DOCK2: variants seen among roughly 807,000 people sequenced by gnomAD.
DOCK2 encodes the protein dedicator of cytokinesis 2.
DOCK2 carries 87 observed loss-of-function variants against 248.9 expected under a neutral mutation model. That is an observed-to-expected ratio of 0.35 (90% CI 0.29 to 0.42). DOCK2 has a LOEUF of 0.42. DOCK2 is among the 10% of genes least tolerant of loss of function. The pLI is 1.00. For synonymous variants in DOCK2, 805 were observed against 821.6 expected, an observed-to-expected ratio of 0.98 and a Z score of 0.35; for missense variants, 1,747 against 2,300.2, an observed-to-expected ratio of 0.76 and a Z score of 4.92.
At chr5:169,882,000 T>C (rs903903225) in intron 27 of DOCK2, among the ~76,000 whole-genome samples, 2 of 152,328 alleles carry the variant, frequency 1.3e-5, no homozygotes. Context: ...TTTTTTCTCT[T>C]TGCCGAAAAT....
intron 25 of DOCK2, among the ~76,000 whole-genome samples, chr5:169,791,879 C>G (rs1322462059): frequency 2.0e-5 from 3 of 152,176 alleles, no homozygotes; most frequent in Non-Finnish European, 4.4e-5. Context: ...ATATTCCACT[C>G]TCTCACTCCC....
intron 27 of DOCK2, among the ~76,000 whole-genome samples, chr5:169,917,456 A>G (rs1444246056): frequency 2.0e-5 from 3 of 152,184 alleles, no homozygotes; most frequent in African/African-American, 7.2e-5. Flanking sequence ...GTGCTTTTTA[A>G]TTACTGTGAC....
At chr5:169,797,676 A>T (rs2113101929) in intron 25 of DOCK2, among the ~76,000 whole-genome samples, 1 of 152,332 alleles carries the variant, frequency 6.6e-6, no homozygotes, top group South Asian at 2.1e-4. Flanking sequence ...TAAGTCTCCC[A>T]GCCTTTGTCA....
At chr5:169,759,879 G>A (rs1004562916) in intron 24 of DOCK2, 104 bp downstream of exon 24, 2 of 1,260,072 alleles carry the variant, frequency 1.6e-6, no homozygotes, top group African/African-American at 3.0e-5. Context: ...TCAGCTTGGG[G>A]ATGGGGAAGA....
chr5:170,006,636 G>C (rs1278497465), intron 30 of DOCK2, among the ~76,000 whole-genome samples: 1 of 152,186 alleles, frequency 6.6e-6, no homozygotes, highest in Non-Finnish European at 1.5e-5. Context: ...CCCTAGAGCA[G>C]TTTGTTTTTT....
At chr5:169,853,254 C>T (rs1203560413) in intron 27 of DOCK2, among the ~76,000 whole-genome samples, 4 of 152,198 alleles carry the variant, frequency 2.6e-5, no homozygotes, top group Non-Finnish European at 1.5e-5. Context: ...ATTGTCCAGT[C>T]TCAGGTATGT....
At chr5:169,926,731 ACT>A (rs1775480943) in intron 27 of DOCK2, among the ~76,000 whole-genome samples, 1 of 152,196 alleles carries the variant, frequency 6.6e-6, no homozygotes, top group Non-Finnish European at 1.5e-5. Context: ...AAGGCTTGTG[ACT>A]CTGTAACTAG....
intron 29 of DOCK2, among the ~76,000 whole-genome samples, chr5:169,994,835 A>C (rs141703433): frequency 6.6e-6 from 1 of 152,242 alleles, no homozygotes; most frequent in East Asian, 1.9e-4. Context: ...TCAATGATTG[A>C]TATGATGGAG....
At chr5:169,893,593 CT>C (rs1452334336) in intron 27 of DOCK2, among the ~76,000 whole-genome samples, 4 of 151,420 alleles carry the variant, frequency 2.6e-5, no homozygotes, top group Non-Finnish European at 5.9e-5. Flanking sequence ...AATCTAGAAT[CT>C]TTTTGATTTG....
intron 15 of DOCK2, among the ~76,000 whole-genome samples, chr5:169,711,114 C>T (rs1340832271): frequency 1.3e-5 from 2 of 152,190 alleles, no homozygotes; most frequent in Non-Finnish European, 2.9e-5. Flanking sequence ...CAGGCTCAAG[C>T]CTCATTTTCT....
At chr5:169,827,913 A>ATG (rs1768973382) in intron 26 of DOCK2, among the ~76,000 whole-genome samples, 1 of 152,110 alleles carries the variant, frequency 6.6e-6, no homozygotes, top group Non-Finnish European at 1.5e-5. Context: ...AAACCGAGGC[A>ATG]CACACTCTGT....
At chr5:169,927,307 G>T (rs1775508589) in intron 27 of DOCK2, among the ~76,000 whole-genome samples, 1 of 152,196 alleles carries the variant, frequency 6.6e-6, no homozygotes, top group Admixed American at 6.5e-5. Flanking sequence ...GGGTTGAGTT[G>T]TAATGCAAGG....
chr5:169,886,036 T>A (rs1220196102), intron 27 of DOCK2, among the ~76,000 whole-genome samples: 1 of 152,176 alleles, frequency 6.6e-6, no homozygotes, highest in African/African-American at 2.4e-5. Context: ...TTTTGGGATC[T>A]GCATGATATG....
At chr5:169,673,785 A>G (rs556208537) in intron 5 of DOCK2, among the ~76,000 whole-genome samples, 260 of 152,236 alleles carry the variant, frequency 1.7e-3, no homozygotes, top group Non-Finnish European at 3.1e-3. Flanking sequence ...TCCCTTACAC[A>G]GAAGGATGGA....
chr5:169,913,759 T>G (rs534652510), intron 27 of DOCK2, among the ~76,000 whole-genome samples: 10 of 152,272 alleles, frequency 6.6e-5, no homozygotes, highest in Non-Finnish European at 1.5e-4. Context: ...AGTGATCTAA[T>G]TGGTCTAACC....
At chr5:169,711,855 G>A in intron 15 of DOCK2, 80 bp from the exon 16 acceptor site, 1 of 1,480,654 alleles carries the variant, frequency 6.8e-7, no homozygotes, top group Non-Finnish European at 9.4e-7. Flanking sequence ...TGGTCAGGCT[G>A]CTGTGGAAGT....
intron 6 of DOCK2, among the ~76,000 whole-genome samples, chr5:169,681,510 C>T (rs183322878): frequency 1.3e-5 from 2 of 151,548 alleles, no homozygotes; most frequent in African/African-American, 4.9e-5. Flanking sequence ...CAGTTTAATA[C>T]CATGGAAAAT....
At chr5:169,671,766 A>C (rs543967653) in intron 5 of DOCK2, among the ~76,000 whole-genome samples, 84 of 152,356 alleles carry the variant, frequency 5.5e-4, no homozygotes, top group African/African-American at 1.9e-3. Context: ...ACCAAGGCTT[A>C]CTGCATGTTT....
At chr5:169,737,212 A>G (rs1282012419) in intron 22 of DOCK2, among the ~76,000 whole-genome samples, 1 of 152,102 alleles carries the variant, frequency 6.6e-6, no homozygotes, top group East Asian at 1.9e-4. Flanking sequence ...TAGTAGGTGA[A>G]AATAAAGCCA....
Sources: allele counts gnomAD v4.1 joint callset (sites outside exome capture counted in the v4.1 genomes callset), GRCh38; gene constraint gnomAD v4.1.1; transcripts MANE v1.5; gene names NCBI Gene and HGNC (gene_info 2026-07-23, HGNC 2026-07-21).